Variants in QTMAN observed in about 807,000 individuals in gnomAD.
The protein encoded by QTMAN is tRNA-queuosine alpha-mannosyltransferase.
the QTMAN span, among the ~76,000 whole-genome samples, chr2:144,167,115 T>C: frequency 1.2e-4 from 18 of 152,218 alleles, no homozygotes; most frequent in Admixed American, 1.1e-3. Flanking sequence ...TATGCTCTCA[T>C]TCCCTTTTCC....
the QTMAN span, among the ~76,000 whole-genome samples, chr2:143,948,907 T>C: frequency 6.6e-6 from 1 of 152,126 alleles, no homozygotes; most frequent in South Asian, 2.1e-4. Flanking sequence ...GAAGTATGTG[T>C]CCAGTGCATC....
chr2:144,046,181 A>C, the QTMAN span, among the ~76,000 whole-genome samples: 1 of 152,232 alleles, frequency 6.6e-6, no homozygotes, highest in Admixed American at 6.5e-5. Context: ...TTTAAGACTC[A>C]GGATGAATAG....
chr2:144,108,652 A>G, the QTMAN span, among the ~76,000 whole-genome samples: 51 of 151,678 alleles, frequency 3.4e-4, 1 homozygote, highest in East Asian at 1.9e-4. Context: ...AAAAAAAAAA[A>G]AAAGAAAACC....
the QTMAN span, among the ~76,000 whole-genome samples, chr2:144,112,314 C>T: frequency 6.6e-6 from 1 of 152,162 alleles, no homozygotes; most frequent in Non-Finnish European, 1.5e-5. Context: ...TGGACATTAT[C>T]TATAAAAATC....
chr2:144,109,291 G>A, the QTMAN span, among the ~76,000 whole-genome samples: 2 of 152,140 alleles, frequency 1.3e-5, no homozygotes, highest in African/African-American at 2.4e-5. Flanking sequence ...ACAAGAAATG[G>A]GGAAAGGATT....
At chr2:143,942,073 C>T in the QTMAN span, 96 of 166,538 alleles carry the variant, frequency 5.8e-4, no homozygotes, top group Non-Finnish European at 3.8e-4. Context: ...CACATCTTCT[C>T]GCACCCCACC....
the QTMAN span, among the ~76,000 whole-genome samples, chr2:144,268,016 T>A: frequency 6.6e-6 from 1 of 152,076 alleles, no homozygotes. Flanking sequence ...ATGTTGAAAT[T>A]TGATTTCCAA....
chr2:144,058,133 A>AACACACACACACACACAC, the QTMAN span, among the ~76,000 whole-genome samples: 2 of 97,186 alleles, frequency 2.1e-5, no homozygotes, highest in African/African-American at 9.2e-5. Flanking sequence ...CACCCCGCTA[A>AACACACACACACACACAC]ACACACACAC....
chr2:143,947,183 T>C, the QTMAN span: 1 of 1,331,502 alleles, frequency 7.5e-7, no homozygotes, highest in East Asian at 2.3e-5. Flanking sequence ...AGAGCATTAA[T>C]GACTAAAAGA....
the QTMAN span, among the ~76,000 whole-genome samples, chr2:144,316,708 A>C: frequency 6.6e-6 from 1 of 152,202 alleles, no homozygotes; most frequent in East Asian, 1.9e-4. Context: ...AGAAGGCTCC[A>C]ATGTCATTCT....
the QTMAN span, among the ~76,000 whole-genome samples, chr2:144,132,416 A>C: frequency 6.6e-6 from 1 of 152,222 alleles, no homozygotes; most frequent in Non-Finnish European, 1.5e-5. Context: ...GGAAAACTTC[A>C]CAGAACATTT....
the QTMAN span, among the ~76,000 whole-genome samples, chr2:144,130,016 A>T: frequency 2.6e-5 from 4 of 151,632 alleles, no homozygotes; most frequent in Non-Finnish European, 5.9e-5. Context: ...AAAATAACAT[A>T]GTAGGAAGGC....
At chr2:144,012,811 A>T in the QTMAN span, among the ~76,000 whole-genome samples, 1 of 152,170 alleles carries the variant, frequency 6.6e-6, no homozygotes, top group African/African-American at 2.4e-5. Flanking sequence ...AAAGAGAAAG[A>T]GAGAGCGTGT....
At chr2:144,228,521 A>G in the QTMAN span, among the ~76,000 whole-genome samples, 2 of 152,348 alleles carry the variant, frequency 1.3e-5, no homozygotes, top group East Asian at 3.9e-4. Flanking sequence ...TATATATAAT[A>G]CACACATATA....
At chr2:143,997,360 G>A in the QTMAN span, among the ~76,000 whole-genome samples, 5 of 152,112 alleles carry the variant, frequency 3.3e-5, no homozygotes, top group East Asian at 3.9e-4. Context: ...ACTGCTATAC[G>A]GCTTTCTGCA....
the QTMAN span, among the ~76,000 whole-genome samples, chr2:143,991,964 C>T: frequency 6.6e-6 from 1 of 152,046 alleles, no homozygotes; most frequent in East Asian, 1.9e-4. Flanking sequence ...TGAGGGGCGC[C>T]TCTGCCCGGC....
the QTMAN span, among the ~76,000 whole-genome samples, chr2:144,234,833 T>A: frequency 3.9e-5 from 6 of 152,060 alleles, no homozygotes; most frequent in Non-Finnish European, 8.8e-5. Flanking sequence ...AGAAAGGCAG[T>A]GGGGGAGTGA....
At chr2:144,180,843 T>C in the QTMAN span, among the ~76,000 whole-genome samples, 2 of 152,074 alleles carry the variant, frequency 1.3e-5, no homozygotes, top group African/African-American at 2.4e-5. Flanking sequence ...AGTAGAAAAA[T>C]TGTCTTTCAT....
chr2:144,065,745 T>C, the QTMAN span, among the ~76,000 whole-genome samples: 23 of 151,920 alleles, frequency 1.5e-4, no homozygotes, highest in Non-Finnish European at 2.2e-4. Context: ...TCTCTGACAT[T>C]GGGTAAAAGA....
Sources: allele counts gnomAD v4.1 joint callset (sites outside exome capture counted in the v4.1 genomes callset), GRCh38; gene constraint gnomAD v4.1.1; transcripts MANE v1.5; gene names NCBI Gene and HGNC (gene_info 2026-07-23, HGNC 2026-07-21).